The following CCT3 variants were observed in gnomAD, a reference collection of about 807,000 sequenced individuals.
CCT3 encodes T-complex protein 1 subunit gamma.
CCT3 carries 10 observed loss-of-function variants against 65.3 expected under a neutral mutation model. The observed-to-expected ratio is 0.15, with a 90% CI of 0.09 to 0.26. CCT3 has a LOEUF of 0.26. CCT3 is among the 10% of genes least tolerant of loss of function. The probability of loss-of-function intolerance (pLI) is 1.00; values close to 1 mark genes in which losing one functional copy is unlikely to be tolerated. For missense variants in CCT3, 626 were observed against 708.7 expected, an observed-to-expected ratio of 0.88 and a Z score of 1.33; for synonymous variants, 225 against 242.3, an observed-to-expected ratio of 0.93 and a Z score of 0.66.
intron 6 of CCT3, among the ~76,000 whole-genome samples, chr1:156,322,894 A>T (rs1246955430): frequency 2.0e-5 from 3 of 152,184 alleles, no homozygotes; most frequent in Non-Finnish European, 4.4e-5. Context: ...AGCTCCACAC[A>T]ATAAAACCTT....
intron 10 of CCT3, 42 bp from the exon 11 acceptor site, chr1:156,312,263 T>C (rs1351379617): frequency 5.7e-6 from 9 of 1,587,342 alleles, no homozygotes; most frequent in Non-Finnish European, 7.7e-6. Flanking sequence ...TGATTTCAGA[T>C]ACTTGTACCC....
At chr1:156,320,733 A>AAAAAC in intron 7 of CCT3, 106 bp downstream of exon 7, 3 of 905,824 alleles carry the variant, frequency 3.3e-6, no homozygotes, top group Non-Finnish European at 5.2e-6. Context: ...ACTCTGTCTC[A>AAAAAC]AAAACAAAAC....
At chr1:156,313,787 T>A (rs1295649427) in intron 10 of CCT3, among the ~76,000 whole-genome samples, 2 of 152,120 alleles carry the variant, frequency 1.3e-5, no homozygotes, top group African/African-American at 4.8e-5. Context: ...TTACACATGG[T>A]ACTTCATGTA....
At position 156,310,686 on chromosome 1, in the gene CCT3, T is replaced by C; in HGVS notation, c.1405A>G (p.Lys469Glu). 1 of 1,612,382 alleles carries C rather than the reference T, an allele frequency of 6.2e-7. No individual in the cohort carries two copies. The highest frequency in any genetic ancestry group is 1.1e-5 in the South Asian group (1 of 90,830). The change falls in exon 13 of 14, where the codon AAG (lysine) becomes GAG (glutamate). Residue 469 changes from lysine (K) to glutamate (E), a missense_variant. Physicochemically the swap from Lys to Glu is moderately conservative, Grantham distance 56. Coordinates refer to ENST00000295688, the MANE Select transcript of CCT3 (RefSeq NM_005998.5). ...TIRLLTSLRA[K>E]HTQENCETWG... is the part of the protein sequence containing the mutation. ...GTCTCACAGTTCTCCTGGGTGTGCT[T>C]GGCCTGCAATTGAAGCAAGAAGTAA... is the stretch of plus-strand genomic sequence containing the variant.
Position 156,338,205 on chromosome 1 carries a change from G to A in CCT3, c.-21C>T. 1.2e-5 allele frequency: 19 copies of A among 1,583,006 alleles called. No homozygotes were observed. The highest frequency in any genetic ancestry group is 2.3e-5 in the East Asian group (1 of 43,956). On this transcript the variant is annotated 5_prime_UTR_variant, in exon 1 of 14. Coordinates refer to ENST00000295688, the MANE Select transcript of CCT3 (RefSeq NM_005998.5). ...ATCATGGCGACGCGATGCAGAGCCG[G>A]GTACCCAGAGCTGGGGGAACCGGCA...
chr1:156,323,105 G>A (rs747327879), intron 6 of CCT3, among the ~76,000 whole-genome samples: 1 of 151,932 alleles, frequency 6.6e-6, no homozygotes, highest in Non-Finnish European at 1.5e-5. Context: ...TTGAAAGTTT[G>A]AGACCAGCCT....
intron 6 of CCT3, among the ~76,000 whole-genome samples, chr1:156,322,822 G>A (rs1344208956): frequency 1.3e-5 from 2 of 152,062 alleles, no homozygotes; most frequent in African/African-American, 2.4e-5. Flanking sequence ...TCCAGCTATT[G>A]CATTCCAGCC....
Position 156,334,772 on chromosome 1 carries a change from G to C in CCT3, c.148C>G (p.Leu50Val). Reference protein sequence around the residue: ...CLGPKSMMKMLLDPMGGIVMT... With the variant: ...CLGPKSMMKMVLDPMGGIVMT... ...ACAATGCCTCCCATTGGGTCCAAAA[G>C]CATCTAAGATGAAAGCAAAAGTTAT... Residue 50 changes from leucine (L) to valine (V), a missense_variant, in exon 4 of 14, where the codon CTT becomes GTT. Leu to Val is a conservative substitution (Grantham distance 32, BLOSUM62 1). Coordinates refer to ENST00000295688, the MANE Select transcript of CCT3 (RefSeq NM_005998.5). 6.2e-7 allele frequency: 1 copy of C among 1,614,072 alleles called. No individual in the cohort carries two copies. Among genetic ancestry groups the C allele is most frequent in the South Asian group, 1.1e-5 (1 of 91,086 alleles).
At chr1:156,320,248 T>C (rs1424198199) in intron 7 of CCT3, among the ~76,000 whole-genome samples, 1 of 151,548 alleles carries the variant, frequency 6.6e-6, no homozygotes, top group Non-Finnish European at 1.5e-5. Context: ...CTACTTAAAA[T>C]ACAAAAAGAA....
chr1:156,317,102 GT>G, intron 10 of CCT3, 63 bp downstream of exon 10: 1 of 1,349,530 alleles, frequency 7.4e-7, no homozygotes, highest in East Asian at 2.3e-5. Context: ...AATGATGACT[GT>G]TACGCAACTA....
At chr1:156,334,529 G>C (rs146498991) in intron 4 of CCT3, among the ~76,000 whole-genome samples, 184 bp downstream of exon 4, 89 of 152,252 alleles carry the variant, frequency 5.8e-4, no homozygotes, top group African/African-American at 1.4e-3. Flanking sequence ...CCCTACTGAC[G>C]CCTTTATTTC....
At chr1:156,320,413 A>C (rs1467015747) in intron 7 of CCT3, among the ~76,000 whole-genome samples, 2 of 152,124 alleles carry the variant, frequency 1.3e-5, no homozygotes, top group African/African-American at 2.4e-5. Context: ...CCATCTCAAA[A>C]AAACAAACAA....
rs1558263260 is a variant in CCT3 at position 156,310,959 on chromosome 1, G to A, written c.1392C>T (p.Thr464=). The A allele has an allele frequency of 6.2e-7, 1 of 1,613,998 alleles. No homozygotes were observed. The highest frequency in any genetic ancestry group is 8.5e-7 in the Non-Finnish European group (1 of 1,179,944). The part of the protein sequence containing the change: ...NCGASTIRLL[T]SLRAKHTQEN... The stretch of plus-strand genomic sequence containing the variant: ...TTGGAGAGGAACTCACCCGAAGGGA[G>A]GTAAGTAGACGGATGGTGCTGGCCC... Residue 464 remains threonine, a synonymous_variant, in exon 12 of 14, where the codon ACC becomes ACT. Transcript: ENST00000295688.
chr1:156,338,146 G>A lies in CCT3; in HGVS notation c.31+8C>T, dbSNP rs555518477. On this transcript the variant is annotated splice_region_variant and intron_variant, in intron 1 of 13. Coordinates refer to ENST00000295688, the MANE Select transcript of CCT3 (RefSeq NM_005998.5). ...GGGGGTCCATTTCCTGGCATCCCCAGAACTCACTGAGCACGAGCACTGGAC... is the reference window on the plus strand; with the variant it reads ...GGGGGTCCATTTCCTGGCATCCCCAAAACTCACTGAGCACGAGCACTGGAC... 5 of 1,585,042 alleles carry A rather than the reference G, an allele frequency of 3.2e-6. No individual in the cohort carries two copies. In the Admixed American group the frequency reaches 7.5e-5, roughly 24 times the overall value.
intron 1 of CCT3, 117 bp downstream of exon 1, chr1:156,338,037 C>T: frequency 1.8e-6 from 2 of 1,130,664 alleles, no homozygotes; most frequent in Non-Finnish European, 2.6e-6. Context: ...AAAATGAAGA[C>T]GATGATTGGA....
Position 156,336,511 on chromosome 1 carries a change from A to G in CCT3, c.32-623T>C, listed in dbSNP as rs372706600. ...CTCAACAGTTTGCAAGATAAATTAT[A>G]TAGTCACCTCATAATTGGATGTAAT... is the stretch of plus-strand genomic sequence containing the variant. On this transcript the variant is annotated intron_variant, in intron 1 of 13. Transcript: ENST00000295688. Among the ~76,000 whole-genome samples the G allele has an allele frequency of 3.2e-4, 48 of 152,328 alleles. 3 individuals carry two copies. In the South Asian group the frequency reaches 8.5e-3, roughly 27 times the overall value.
At chr1:156,321,313 C>A (rs192518204) in intron 6 of CCT3, among the ~76,000 whole-genome samples, 2 of 152,322 alleles carry the variant, frequency 1.3e-5, no homozygotes, top group Admixed American at 1.3e-4. Context: ...TCTGCTTCAA[C>A]CAAGTAAACT....
intron 4 of CCT3, among the ~76,000 whole-genome samples, chr1:156,334,239 CAAAA>C (rs34500374): frequency 4.2e-5 from 5 of 118,438 alleles, no homozygotes; most frequent in Admixed American, 8.7e-5. Context: ...GACTCCGTCT[CAAAA>C]AAAAAAAAAA....
intron 1 of CCT3, chr1:156,337,046 G>A: frequency 7.8e-7 from 1 of 1,275,672 alleles, no homozygotes; most frequent in Non-Finnish European, 1.0e-6. Context: ...CTGCAGATGA[G>A]GTACAGAAGT....
Sources: allele counts gnomAD v4.1 joint callset (sites outside exome capture counted in the v4.1 genomes callset), GRCh38; gene constraint gnomAD v4.1.1; transcripts MANE v1.5; gene names NCBI Gene and HGNC (gene_info 2026-07-23, HGNC 2026-07-21).